The following DNAH9 variants were observed in gnomAD, a reference collection of about 807,000 sequenced individuals.
DNAH9 encodes DNAH9 variant protein.
In DNAH9, 345 loss-of-function variants were observed where a neutral mutation model predicts 471.6. The observed-to-expected ratio is 0.73, with a 90% CI of 0.67 to 0.80. DNAH9 has a LOEUF of 0.80. Ranked by LOEUF, DNAH9 falls within the 30% of genes least tolerant of loss-of-function variation. The probability of loss-of-function intolerance (pLI) is 0.00; values close to 1 mark genes in which losing one functional copy is unlikely to be tolerated. For missense variants in DNAH9, 5,407 were observed against 5,609.2 expected (o/e 0.96, Z 1.15); for synonymous variants, 2,093 against 2,123.6 (o/e 0.99, Z 0.40).
At chr17:11,694,592 T>G (rs2150759556) in intron 22 of DNAH9, 145 bp downstream of exon 22, 1 of 645,440 alleles carries the variant, frequency 1.5e-6, no homozygotes, top group South Asian at 2.6e-5. Flanking sequence ...CATCATCACA[T>G]ACCTCGGAGC....
At chr17:11,634,358 G>A (rs1305934642) in intron 8 of DNAH9, among the ~76,000 whole-genome samples, 2 of 152,268 alleles carry the variant, frequency 1.3e-5, no homozygotes, top group South Asian at 4.1e-4. Flanking sequence ...TTTCAAGGCT[G>A]GGGAGTAGGG....
At chr17:11,696,202 C>T (rs2074473659) in intron 22 of DNAH9, among the ~76,000 whole-genome samples, 2 of 152,070 alleles carry the variant, frequency 1.3e-5, no homozygotes, top group Admixed American at 6.6e-5. Context: ...TTCTAATTTC[C>T]CCTTCTTTCA....
chr17:11,877,142 A>G (rs955383387), intron 53 of DNAH9, among the ~76,000 whole-genome samples: 8 of 151,952 alleles, frequency 5.3e-5, no homozygotes, highest in African/African-American at 1.9e-4. Context: ...ATATTTTACC[A>G]CAATTTAAAT....
chr17:11,934,602 A>C (rs564925512), intron 65 of DNAH9, among the ~76,000 whole-genome samples: 31 of 148,234 alleles, frequency 2.1e-4, no homozygotes, highest in African/African-American at 4.9e-4. Context: ...CCCGCCACCA[A>C]GCCCGGCTAA....
At position 11,602,657 on chromosome 17, in the gene DNAH9, A is replaced by G. The variant is rs1480859719; in HGVS notation, c.417+3742A>G. On this transcript the variant is annotated intron_variant, in intron 1 of 68. Transcript: ENST00000262442. ...GGCTCTCCCCAACATTACTTCTAAT[A>G]TGTGGTTATTTCCAAAGACATGTGA... 2.6e-5 allele frequency among the ~76,000 whole-genome samples: 4 copies of G among 152,302 alleles called. No homozygotes were observed. The East Asian group carries it at 7.7e-4, about 29-fold the overall frequency.
chr17:11,926,585 T>C (rs769948867), intron 62 of DNAH9, among the ~76,000 whole-genome samples: 1 of 152,196 alleles, frequency 6.6e-6, no homozygotes, highest in East Asian at 1.9e-4. Context: ...AAGGACATGA[T>C]CTCGTTCCTT....
Position 11,875,140 on chromosome 17 carries a change from T to C in DNAH9, c.10434T>C (p.Asn3478=), listed in dbSNP as rs777210302. 1 of 1,614,096 alleles carries C rather than the reference T, an allele frequency of 6.2e-7. No individual in the cohort carries two copies. The highest frequency in any genetic ancestry group is 8.5e-7 in the Non-Finnish European group (1 of 1,180,022). The change falls in exon 53 of 69, where the codon AAT becomes AAC. Residue 3478 remains asparagine, a synonymous_variant. Coordinates refer to ENST00000262442, the MANE Select transcript of DNAH9 (RefSeq NM_001372.4). ...PQLQGIKWIK[N]KYGEDLRVTQ... is the part of the protein sequence containing the mutation. ...TACAAGGCATCAAATGGATCAAGAA[T>C]AAATATGGTGAAGATCTCCGGGTCA...
chr17:11,955,030 A>G (rs889827277), intron 67 of DNAH9, among the ~76,000 whole-genome samples: 11 of 152,170 alleles, frequency 7.2e-5, no homozygotes, highest in African/African-American at 2.7e-4. Context: ...AAAATGAGAG[A>G]AATAGAAGCA....
chr17:11,776,353 CAAAAA>C (rs78587925), intron 38 of DNAH9, among the ~76,000 whole-genome samples: 1 of 112,714 alleles, frequency 8.9e-6, no homozygotes, highest in Non-Finnish European at 1.9e-5. Flanking sequence ...CATCTGCATT[CAAAAA>C]AAAAAAAAAA....
At position 11,680,877 on chromosome 17, in the gene DNAH9, A is replaced by G. The variant is rs2150741886; in HGVS notation, c.3731A>G (p.Glu1244Gly). ...QQQFWEQFHK[E>G]APFRFDSIHP... The stretch of plus-strand genomic sequence containing the variant: ...CAATTCTGGGAGCAATTCCACAAAG[A>G]AGCCCCGTTCAGGTATGGGCCGAAC... The change falls in exon 19 of 69, where the codon GAA becomes GGA. Residue 1244 changes from glutamate (E) to glycine (G), a missense_variant. Glu to Gly is a moderately conservative substitution (Grantham distance 98, BLOSUM62 -2). This residue lies in a region of DNAH9 where 4,636 missense variants were observed against 4,900.3 expected (regional missense o/e 0.95). Coordinates refer to ENST00000262442, the MANE Select transcript of DNAH9 (RefSeq NM_001372.4). The G allele has an allele frequency of 1.2e-6, 2 of 1,611,492 alleles. No individual in the cohort carries two copies. The highest frequency in any genetic ancestry group is 1.3e-5 in the African/African-American group (1 of 74,972).
intron 57 of DNAH9, among the ~76,000 whole-genome samples, chr17:11,888,278 C>T (rs1299813071): frequency 3.9e-5 from 6 of 152,096 alleles, no homozygotes; most frequent in South Asian, 2.1e-4. Context: ...CCACTGCACC[C>T]GGTCCCATAT....
intron 27 of DNAH9, among the ~76,000 whole-genome samples, chr17:11,727,244 G>T (rs1307813381): frequency 6.6e-6 from 1 of 152,066 alleles, no homozygotes; most frequent in Non-Finnish European, 1.5e-5. Flanking sequence ...TTACTTTTAG[G>T]ACAGAAATGC....
intron 61 of DNAH9, among the ~76,000 whole-genome samples, chr17:11,919,697 T>C (rs1160260958): frequency 6.6e-6 from 1 of 152,000 alleles, no homozygotes; most frequent in Non-Finnish European, 1.5e-5. Context: ...AGAGTTGGGG[T>C]CTTAGAAAGT....
chr17:11,784,345 C>T lies in DNAH9; in HGVS notation c.7867C>T (p.Leu2623=). Residue 2623 remains leucine (L), a synonymous_variant, in exon 41 of 69, where the codon CTG becomes TTG. Coordinates refer to ENST00000262442, the MANE Select transcript of DNAH9 (RefSeq NM_001372.4). ...FVLSFPGADA[L]SSIYSIILTQ... ...CCTCTCCTTCCCGGGGGCAGATGCC[C>T]TGTCCTCTATCTACAGCATCATCCT... 4 of 1,614,206 alleles carry T rather than the reference C, an allele frequency of 2.5e-6. No homozygotes were observed. Among genetic ancestry groups the T allele is most frequent in the Non-Finnish European group, 3.4e-6 (4 of 1,180,034 alleles).
At chr17:11,738,210 A>G (rs2075378729) in intron 28 of DNAH9, among the ~76,000 whole-genome samples, 1 of 152,160 alleles carries the variant, frequency 6.6e-6, no homozygotes, top group Admixed American at 6.5e-5. Context: ...AGCTCAAATG[A>G]GTTAATACAT....
At chr17:11,680,952 TC>T in intron 19 of DNAH9, 63 bp downstream of exon 19, 1 of 1,440,386 alleles carries the variant, frequency 6.9e-7, no homozygotes. Context: ...TCATGGATAA[TC>T]TTTTTGTGGG....
intron 67 of DNAH9, among the ~76,000 whole-genome samples, chr17:11,949,481 CT>C (rs71367360): frequency 0.05 from 7,356 of 146,538 alleles, 368 homozygotes; most frequent in African/African-American, 0.13. Context: ...TAGCTTGAGA[CT>C]TTTTTTTTTT....
chr17:11,815,386 C>T (rs1970061213), intron 45 of DNAH9, among the ~76,000 whole-genome samples: 1 of 152,104 alleles, frequency 6.6e-6, no homozygotes, highest in Non-Finnish European at 1.5e-5. Context: ...ACTGGTTTTG[C>T]CTTCTTTTGC....
At chr17:11,920,074 G>A (rs1225007069) in intron 61 of DNAH9, among the ~76,000 whole-genome samples, 3 of 143,094 alleles carry the variant, frequency 2.1e-5, no homozygotes, top group East Asian at 2.1e-4. Flanking sequence ...CGCTCTTGTC[G>A]CCCAGGCTGG....
Sources: gnomAD v4.1 joint callset for allele counts (sites outside exome capture counted in the v4.1 genomes callset) on GRCh38, gnomAD v4.1.1 for gene constraint, gnomAD v4.1.1 regional missense constraint, MANE v1.5 for transcripts, NCBI Gene and HGNC (gene_info 2026-07-23, HGNC 2026-07-21) for gene names.